Variants in NRXN1 observed in about 807,000 individuals in gnomAD.
NRXN1 encodes neurexin 1.
In NRXN1, 39 loss-of-function variants were observed where a neutral mutation model predicts 150.9. The observed-to-expected ratio is 0.26, with a 90% CI of 0.20 to 0.34. The LOEUF is 0.34. Among genes scored for constraint, NRXN1 ranks in the 10% least tolerant of loss-of-function variants. The probability of loss-of-function intolerance (pLI) is 1.00; values close to 1 mark genes in which losing one functional copy is unlikely to be tolerated. For missense variants in NRXN1, 1,815 were observed against 1,949.9 expected, an observed-to-expected ratio of 0.93 and a Z score of 1.30; for synonymous variants, 924 against 757.0, an observed-to-expected ratio of 1.22 and a Z score of -3.62.
chr2:50,724,974 G>A (rs1303748814), intron 5 of NRXN1, among the ~76,000 whole-genome samples: 1 of 152,088 alleles, frequency 6.6e-6, no homozygotes, highest in African/African-American at 2.4e-5. Context: ...CTAGGTGGTA[G>A]GATTAGAATA....
intron 5 of NRXN1, among the ~76,000 whole-genome samples, chr2:50,821,683 C>T (rs565263987): frequency 6.6e-6 from 1 of 152,096 alleles, no homozygotes; most frequent in East Asian, 1.9e-4. Flanking sequence ...TTATCCATTA[C>T]AAAGCATTAG....
chr2:50,709,574 T>C (rs901624971), intron 5 of NRXN1, among the ~76,000 whole-genome samples: 1 of 152,038 alleles, frequency 6.6e-6, no homozygotes, highest in Non-Finnish European at 1.5e-5. Flanking sequence ...ACCCACAGGA[T>C]AACAGGCACC....
At chr2:50,295,872 G>A (rs1313725901) in intron 17 of NRXN1, among the ~76,000 whole-genome samples, 2 of 152,226 alleles carry the variant, frequency 1.3e-5, no homozygotes, top group African/African-American at 4.8e-5. Flanking sequence ...ACAATTGGGA[G>A]AGAGGACAAA....
chr2:50,945,915 C>A lies in NRXN1; in HGVS notation c.773-19960G>T, dbSNP rs1026978794. On this transcript the variant is annotated intron_variant, in intron 2 of 22. Transcript: ENST00000401669. ...ATATATATATACACACACACACACA[C>A]ACACACATCTTTACTTGTAAAGTAT... Among the ~76,000 whole-genome samples, 11 of 137,590 alleles carry A rather than the reference C, an allele frequency of 8.0e-5. No homozygotes were observed. The Admixed American group carries it at 8.8e-4, about 11-fold the overall frequency. The allele number at this position is 137,590 out of a possible 152,430, so 90.3% of individuals were successfully genotyped here.
At position 50,922,708 on chromosome 2, in the gene NRXN1, C is replaced by T. The variant is rs553475536; in HGVS notation, c.791-21G>A. ...CAGACCTTGAAGGGAAACAAGAGCA[C>T]AGTCAGCAATAAACAAGGGAGCATG... On this transcript the variant is annotated intron_variant, in intron 3 of 22. Transcript: ENST00000401669. 2.5e-6 allele frequency: 4 copies of T among 1,609,452 alleles called. No individual in the cohort carries two copies. The African/African-American group carries it at 5.3e-5, about 22-fold the overall frequency.
intron 17 of NRXN1, among the ~76,000 whole-genome samples, chr2:50,416,234 G>A (rs995909259): frequency 4.6e-5 from 7 of 152,090 alleles, no homozygotes; most frequent in African/African-American, 1.7e-4. Flanking sequence ...GGAAGTGATT[G>A]TAAATGTTAA....
chr2:50,212,425 C>A lies in NRXN1; in HGVS notation c.3546+24364G>T, dbSNP rs528366077. Among the ~76,000 whole-genome samples the A allele has an allele frequency of 1.0e-4, 15 of 148,206 alleles. No individual in the cohort carries two copies. The East Asian group carries it at 2.9e-3, about 29-fold the overall frequency. The stretch of plus-strand genomic sequence containing the variant: ...GCTAATATTAAAGGCCTGTGTGTGA[C>A]CCTACAACTTAAGTCTTGTAAGAGC... On this transcript the variant is annotated intron_variant, in intron 18 of 22. Coordinates refer to ENST00000401669, the MANE Select transcript of NRXN1 (RefSeq NM_001330078.2).
chr2:49,957,638 G>T (rs961085614), intron 21 of NRXN1, among the ~76,000 whole-genome samples: 8 of 152,138 alleles, frequency 5.3e-5, no homozygotes, highest in Admixed American at 3.3e-4. Flanking sequence ...AATACAAGGA[G>T]CATCTCTTCT....
At chr2:50,230,986 T>C (rs1380460872) in intron 18 of NRXN1, among the ~76,000 whole-genome samples, 2 of 152,028 alleles carry the variant, frequency 1.3e-5, no homozygotes, top group Admixed American at 1.3e-4. Context: ...TTTGAAATTG[T>C]AGTAAAATAG....
chr2:50,551,069 G>GAAGAAA (rs1667426728), intron 9 of NRXN1, among the ~76,000 whole-genome samples: 1 of 128,158 alleles, frequency 7.8e-6, no homozygotes, highest in East Asian at 2.6e-4. Flanking sequence ...AGAAGAAGAA[G>GAAGAAA]AAGAAGAGGA....
chr2:50,508,368 C>G (rs2092326154), intron 12 of NRXN1, among the ~76,000 whole-genome samples: 1 of 151,344 alleles, frequency 6.6e-6, no homozygotes, highest in Non-Finnish European at 1.5e-5. Flanking sequence ...AGTCCAGCAA[C>G]TGCAAAAATA....
intron 16 of NRXN1, 132 bp from the exon 17 acceptor site, chr2:50,465,693 T>A (rs1301695701): frequency 2.3e-6 from 2 of 862,720 alleles, no homozygotes; most frequent in Admixed American, 3.2e-5. Flanking sequence ...AAGTTCTAGT[T>A]CACACACCTG....
intron 21 of NRXN1, among the ~76,000 whole-genome samples, chr2:49,971,988 C>A (rs1678039386): frequency 6.6e-6 from 1 of 152,030 alleles, no homozygotes; most frequent in South Asian, 2.1e-4. Context: ...TGTATTAATA[C>A]AAAATCCACT....
intron 5 of NRXN1, among the ~76,000 whole-genome samples, chr2:50,846,641 G>C (rs948956045): frequency 6.6e-6 from 1 of 152,154 alleles, no homozygotes; most frequent in Non-Finnish European, 1.5e-5. Flanking sequence ...TTTTCTGGGA[G>C]CAGTTGTACC....
chr2:50,913,879 T>C (rs374980097), intron 5 of NRXN1, among the ~76,000 whole-genome samples: 50 of 151,896 alleles, frequency 3.3e-4, no homozygotes, highest in Admixed American at 1.3e-3. Context: ...GCTACATTTC[T>C]TAATATAAAC....
chr2:50,815,193 C>A (rs145849248), intron 5 of NRXN1, among the ~76,000 whole-genome samples: 1 of 152,046 alleles, frequency 6.6e-6, no homozygotes, highest in Non-Finnish European at 1.5e-5. Context: ...AACAAAACTA[C>A]ATTTTGAAAC....
intron 17 of NRXN1, among the ~76,000 whole-genome samples, chr2:50,270,134 G>A (rs900282384): frequency 5.9e-5 from 9 of 152,048 alleles, no homozygotes; most frequent in African/African-American, 2.2e-4. Flanking sequence ...TCAAAACCAT[G>A]TGGGAGAATC....
chr2:50,944,040 T>C, intron 2 of NRXN1, among the ~76,000 whole-genome samples: 1 of 152,158 alleles, frequency 6.6e-6, no homozygotes, highest in East Asian at 1.9e-4. Context: ...GCACTCAAAA[T>C]ATGCAGGGCT....
chr2:50,212,052 A>C (rs1321542416), intron 18 of NRXN1, among the ~76,000 whole-genome samples: 1 of 148,834 alleles, frequency 6.7e-6, no homozygotes, highest in African/African-American at 2.4e-5. Context: ...TAAATCCACT[A>C]TATATTCACT....
Sources: gnomAD v4.1 joint callset for allele counts (sites outside exome capture counted in the v4.1 genomes callset) on GRCh38, gnomAD v4.1.1 for gene constraint, MANE v1.5 for transcripts, NCBI Gene and HGNC (gene_info 2026-07-23, HGNC 2026-07-21) for gene names.